The following ITPR1 variants were observed in gnomAD, a reference collection of about 807,000 sequenced individuals.
The protein encoded by ITPR1 is inositol 1,4,5-trisphosphate-gated calcium channel ITPR1.
In ITPR1, 96 loss-of-function variants were observed where a neutral mutation model predicts 318.4. That is an observed-to-expected ratio of 0.30 (90% CI 0.26 to 0.36). ITPR1 has a LOEUF of 0.36. Ranked by LOEUF, ITPR1 falls within the 10% of genes least tolerant of loss-of-function variation. ITPR1 has a pLI of 1.00. For missense variants in ITPR1, 2,440 were observed against 3,460.2 expected (o/e 0.71, Z 7.40); for synonymous variants, 1,312 against 1,289.9 (o/e 1.02, Z -0.37).
intron 51 of ITPR1, 138 bp downstream of exon 51, chr3:4,784,058 G>C (rs1452130614): frequency 1.5e-5 from 9 of 607,608 alleles, no homozygotes; most frequent in Non-Finnish European, 2.6e-5. Context: ...TCCTGGGCTG[G>C]GTGCTGGACA....
At chr3:4,654,204 T>C (rs909373993) in intron 12 of ITPR1, among the ~76,000 whole-genome samples, 1 of 152,212 alleles carries the variant, frequency 6.6e-6, no homozygotes, top group African/African-American at 2.4e-5. Flanking sequence ...ATATGGAAGA[T>C]GGTCTTTTCA....
Position 4,768,615 on chromosome 3 carries a change from C to T in ITPR1, c.5830C>T (p.Pro1944Ser). ...AFTTFRREAD[P>S]DDHYQPGEGT... ...CACCACTTTCAGGAGGGAGGCTGAT[C>T]CCGACGACCACTACCAGCCTGGAGA... The change falls in exon 46 of 62, where the codon CCC (proline) becomes TCC (serine). Residue 1944 changes from proline to serine, a missense_variant. Transcript: ENST00000649015. 1 of 1,613,996 alleles carries T rather than the reference C, an allele frequency of 6.2e-7. No individual in the cohort carries two copies.
At chr3:4,560,741 C>T (rs908172633) in intron 4 of ITPR1, among the ~76,000 whole-genome samples, 4 of 152,164 alleles carry the variant, frequency 2.6e-5, no homozygotes, top group African/African-American at 9.7e-5. Context: ...TACAGTAGTT[C>T]AGCCTCTGCC....
intron 48 of ITPR1, 75 bp downstream of exon 48, chr3:4,777,449 T>C (rs2046550558): frequency 8.4e-6 from 7 of 830,532 alleles, no homozygotes; most frequent in African/African-American, 1.7e-5. Flanking sequence ...CACATGCACA[T>C]GGGCAATTAG....
At chr3:4,697,573 T>G (rs1365729384) in intron 34 of ITPR1, among the ~76,000 whole-genome samples, 3 of 150,774 alleles carry the variant, frequency 2.0e-5, no homozygotes, top group African/African-American at 4.9e-5. Context: ...TGCCTCAGCC[T>G]CCTGAGTAGC....
intron 10 of ITPR1, among the ~76,000 whole-genome samples, chr3:4,650,908 G>C (rs1262041709): frequency 6.6e-6 from 1 of 152,112 alleles, no homozygotes; most frequent in Non-Finnish European, 1.5e-5. Flanking sequence ...TGAGTATGTG[G>C]AGTCTGTTGT....
rs765524918 is a variant in ITPR1 at position 4,735,213 on chromosome 3, C to T, written c.5403C>T (p.Ala1801=). 1.7e-5 allele frequency: 27 copies of T among 1,613,766 alleles called. No individual in the cohort carries two copies. Among genetic ancestry groups the T allele is most frequent in the Non-Finnish European group, 2.2e-5 (26 of 1,179,872 alleles). ...SSMSRGEMSL[A]EVQCHLDKEG... is the part of the protein sequence containing the mutation. ...TGAGCAGGGGTGAGATGAGTCTGGC[C>T]GAGGTTCAGTGTCACCTTGACAAGG... Residue 1801 remains alanine (A), a synonymous_variant, in exon 44 of 62, where the codon GCC becomes GCT. Transcript: ENST00000649015.
At chr3:4,696,032 G>A (rs1299830190) in intron 33 of ITPR1, among the ~76,000 whole-genome samples, 1 of 152,142 alleles carries the variant, frequency 6.6e-6, no homozygotes, top group Non-Finnish European at 1.5e-5. Context: ...GCTAACATTT[G>A]CTATCATCAG....
chr3:4,576,934 CTTA>C (rs2088728709), intron 4 of ITPR1, among the ~76,000 whole-genome samples: 4 of 152,302 alleles, frequency 2.6e-5, no homozygotes, highest in Admixed American at 6.5e-5. Context: ...TTCATCAAAA[CTTA>C]TTAAGCACCT....
chr3:4,544,566 T>C (rs1033464072), intron 4 of ITPR1, among the ~76,000 whole-genome samples: 8 of 152,230 alleles, frequency 5.3e-5, no homozygotes, highest in African/African-American at 1.7e-4. Context: ...TTTTTGTTAG[T>C]GATGCCTTAG....
intron 44 of ITPR1, among the ~76,000 whole-genome samples, chr3:4,741,658 G>A (rs2043714137): frequency 6.6e-6 from 1 of 152,124 alleles, no homozygotes; most frequent in Non-Finnish European, 1.5e-5. Flanking sequence ...GGACACGTTG[G>A]TTGGGCTATC....
At chr3:4,657,788 G>A (rs573170210) in intron 12 of ITPR1, among the ~76,000 whole-genome samples, 1 of 152,012 alleles carries the variant, frequency 6.6e-6, no homozygotes, top group East Asian at 1.9e-4. Flanking sequence ...TGTATCTTTA[G>A]TAGAGACGGG....
chr3:4,584,430 C>T (rs766443174), intron 4 of ITPR1, among the ~76,000 whole-genome samples: 4 of 152,150 alleles, frequency 2.6e-5, no homozygotes, highest in Non-Finnish European at 4.4e-5. Flanking sequence ...ACAGGCCCCC[C>T]AGTCCTCAGA....
chr3:4,649,002 T>C (rs115856706), intron 10 of ITPR1, among the ~76,000 whole-genome samples: 3,294 of 152,284 alleles, frequency 0.022, 72 homozygotes, highest in African/African-American at 0.059. Context: ...CATTGAAGAT[T>C]GATGCCCCAT....
At chr3:4,606,294 G>C (rs991710994) in intron 4 of ITPR1, among the ~76,000 whole-genome samples, 1 of 152,116 alleles carries the variant, frequency 6.6e-6, no homozygotes, top group Non-Finnish European at 1.5e-5. Context: ...TCCTTTGGCA[G>C]TGGAACTTTG....
intron 7 of ITPR1, 117 bp downstream of exon 7, chr3:4,642,368 G>A (rs1028089472): frequency 2.8e-6 from 2 of 711,716 alleles, no homozygotes. Flanking sequence ...CCTGTGTAAA[G>A]AGAAGGGAAT....
chr3:4,563,688 C>A (rs6794363), intron 4 of ITPR1, among the ~76,000 whole-genome samples: 2 of 151,898 alleles, frequency 1.3e-5, no homozygotes, highest in African/African-American at 4.8e-5. Context: ...TTTACTCTCT[C>A]TTTGGCTTCA....
chr3:4,780,566 G>A (rs988284317), intron 49 of ITPR1, among the ~76,000 whole-genome samples: 2 of 152,150 alleles, frequency 1.3e-5, no homozygotes, highest in Non-Finnish European at 2.9e-5. Context: ...GTAACTGACA[G>A]ACTTAAATGA....
chr3:4,610,757 C>G (rs532460584), intron 4 of ITPR1, among the ~76,000 whole-genome samples: 79 of 152,230 alleles, frequency 5.2e-4, no homozygotes, highest in Non-Finnish European at 1.0e-3. Context: ...ACCACTTATT[C>G]CACAGGTCCG....
Sources: gnomAD v4.1 joint callset for allele counts (sites outside exome capture counted in the v4.1 genomes callset) on GRCh38, gnomAD v4.1.1 for gene constraint, MANE v1.5 for transcripts, NCBI Gene and HGNC (gene_info 2026-07-23, HGNC 2026-07-21) for gene names.